UBAP2: variants seen among roughly 807,000 people sequenced by gnomAD.
UBAP2 encodes the protein ubiquitin-associated protein 2.
UBAP2 carries 75 observed loss-of-function variants against 139.6 expected under a neutral mutation model. The observed-to-expected ratio is 0.54, with a 90% confidence interval of 0.45 to 0.65. UBAP2 has a LOEUF of 0.65. Among genes scored for constraint, UBAP2 ranks in the 30% least tolerant of loss-of-function variants. The probability of loss-of-function intolerance (pLI) is 0.00; values close to 1 mark genes in which losing one functional copy is unlikely to be tolerated. For missense variants in UBAP2, 1,368 were observed against 1,369.6 expected (o/e 1.00, Z 0.02); for synonymous variants, 526 against 526.2 (o/e 1.00, Z 0.01).
intron 2 of UBAP2, among the ~76,000 whole-genome samples, chr9:33,999,319 AAG>A (rs1822483172): frequency 6.6e-6 from 1 of 151,986 alleles, no homozygotes; most frequent in Non-Finnish European, 1.5e-5. Flanking sequence ...AATTTTTAAA[AAG>A]ATTAAAAAAA....
intron 1 of UBAP2, among the ~76,000 whole-genome samples, chr9:34,037,955 G>A (rs1826584015): frequency 7.4e-6 from 1 of 134,776 alleles, no homozygotes; most frequent in Admixed American, 8.5e-5. Flanking sequence ...GAACCCAGAA[G>A]TTGAAGACCA....
At chr9:34,042,403 G>T (rs955964350) in intron 1 of UBAP2, among the ~76,000 whole-genome samples, 2 of 150,710 alleles carry the variant, frequency 1.3e-5, no homozygotes, top group East Asian at 1.9e-4. Flanking sequence ...GCTTGAACTT[G>T]GGAGGTGGAG....
rs372841598 is a variant in UBAP2 at position 33,947,938 on chromosome 9, A to C, written c.1270+436T>G. The stretch of plus-strand genomic sequence containing the variant: ...TGAGATTAAAAGACTGCTTGAGGCC[A>C]GGAGGTGGAGATCAGCCTACGCAGC... On this transcript the variant is annotated intron_variant, in intron 13 of 28. Transcript: ENST00000379238. Among the ~76,000 whole-genome samples the C allele has an allele frequency of 2.4e-4, 36 of 148,452 alleles. 1 individual carries two copies. The East Asian group carries it at 5.6e-3, about 23-fold the overall frequency.
chr9:34,022,682 A>G (rs1231716245), intron 1 of UBAP2, among the ~76,000 whole-genome samples: 1 of 151,706 alleles, frequency 6.6e-6, no homozygotes, highest in Admixed American at 6.6e-5. Flanking sequence ...CAAGTGATCC[A>G]CCAGCCTCAG....
At chr9:34,008,430 A>G (rs1587651807) in intron 2 of UBAP2, among the ~76,000 whole-genome samples, 1 of 152,094 alleles carries the variant, frequency 6.6e-6, no homozygotes, top group African/African-American at 2.4e-5. Flanking sequence ...GCAATAAGAC[A>G]TAACACAAAA....
chr9:33,929,229 G>A lies in UBAP2; in HGVS notation c.2176-1237C>T, dbSNP rs529723912. The stretch of plus-strand genomic sequence containing the variant: ...TGGATATATACAACCTTTTAATCTC[G>A]GAAGGAAAAATGAACATTCTCCATC... On this transcript the variant is annotated intron_variant, in intron 19 of 28. Coordinates refer to ENST00000379238, the MANE Select transcript of UBAP2 (RefSeq NM_001370062.2). 1.2e-3 allele frequency among the ~76,000 whole-genome samples: 179 copies of A among 152,248 alleles called. No homozygotes were observed. In the Middle Eastern group the frequency reaches 0.017, roughly 14 times the overall value.
chr9:33,990,225 G>T (rs1345117020), intron 4 of UBAP2, among the ~76,000 whole-genome samples: 2 of 152,130 alleles, frequency 1.3e-5, no homozygotes, highest in Admixed American at 6.5e-5. Flanking sequence ...GACTGGAAAT[G>T]ACTCCATCCA....
chr9:33,953,502 C>T (rs371395227), intron 11 of UBAP2, 28 bp from the exon 12 acceptor site: 273 of 1,587,712 alleles, frequency 1.7e-4, no homozygotes, highest in Non-Finnish European at 2.3e-4. Flanking sequence ...AATGAGGAAC[C>T]AGTCATAAGC....
At position 33,935,891 on chromosome 9, in the gene UBAP2, G is replaced by C. The variant is rs987143382; in HGVS notation, c.1930-13C>G. ...CACCATGTCCATTCTATAAGGAAAA[G>C]AAGAGAAGAGAATATAAACTTACAA... On this transcript the variant is annotated splice_polypyrimidine_tract_variant and intron_variant, in intron 16 of 28. Transcript: ENST00000379238. 3.7e-6 allele frequency: 6 copies of C among 1,610,066 alleles called. No homozygotes were observed. In the African/African-American group the frequency reaches 5.4e-5, roughly 14 times the overall value.
chr9:34,003,847 G>A (rs142177201), intron 2 of UBAP2, among the ~76,000 whole-genome samples: 1 of 152,208 alleles, frequency 6.6e-6, no homozygotes, highest in East Asian at 1.9e-4. Flanking sequence ...AGCCTCTTGA[G>A]TAGCTGGGAT....
chr9:33,944,892 T>A (rs1825535614), intron 13 of UBAP2, among the ~76,000 whole-genome samples: 1 of 152,154 alleles, frequency 6.6e-6, no homozygotes, highest in Non-Finnish European at 1.5e-5. Context: ...GTGAGAACAA[T>A]ATTATGGTGC....
At chr9:33,967,788 T>C (rs1293346449) in intron 8 of UBAP2, among the ~76,000 whole-genome samples, 1 of 152,238 alleles carries the variant, frequency 6.6e-6, no homozygotes, top group African/African-American at 2.4e-5. Flanking sequence ...ATTTGTAAAC[T>C]GGAGTATATT....
chr9:33,935,859 C>T lies in UBAP2; in HGVS notation c.1949G>A (p.Arg650Gln), dbSNP rs780602087. 7 of 1,613,374 alleles carry T rather than the reference C, an allele frequency of 4.3e-6. No homozygotes were observed. Among genetic ancestry groups the T allele is most frequent in the Admixed American group, 3.3e-5 (2 of 59,826 alleles). ...GTIMNGHGGG[R>Q]SQQTLDTPKT... ...CTTACTGTCTAGTGTCTGCTGACTT[C>T]GACCACCACCATGTCCATTCTATAA... Residue 650 changes from arginine to glutamine, a missense_variant, in exon 17 of 29, where the codon CGA (arginine) becomes CAA (glutamine). Physicochemically the swap from Arg to Gln is conservative, Grantham distance 43. Transcript: ENST00000379238.
At chr9:34,029,292 T>G (rs958395617) in intron 1 of UBAP2, among the ~76,000 whole-genome samples, 1 of 150,884 alleles carries the variant, frequency 6.6e-6, no homozygotes, top group African/African-American at 2.4e-5. Flanking sequence ...TTTGGGAGGC[T>G]GAGGAGGGTG....
At chr9:34,005,538 A>G (rs1196097437) in intron 2 of UBAP2, among the ~76,000 whole-genome samples, 3 of 152,124 alleles carry the variant, frequency 2.0e-5, no homozygotes, top group Non-Finnish European at 4.4e-5. Context: ...TAATTTAAAG[A>G]AAGTCCTATC....
Position 33,936,170 on chromosome 9 carries a change from A to G in UBAP2, c.1930-292T>C, listed in dbSNP as rs574825706. Among the ~76,000 whole-genome samples, 7 of 152,158 alleles carry G rather than the reference A, an allele frequency of 4.6e-5. No homozygotes were observed. In the East Asian group the frequency reaches 7.7e-4, roughly 17 times the overall value. Reference sequence around the variant, plus strand: ...GCTAATTCTTGTATTTTCTGTAGAGATGGGGTTTTGCCATGTTGACCAGGC... The same window carrying G: ...GCTAATTCTTGTATTTTCTGTAGAGGTGGGGTTTTGCCATGTTGACCAGGC... On this transcript the variant is annotated intron_variant, in intron 16 of 28. Transcript: ENST00000379238.
At chr9:33,953,602 G>A in intron 11 of UBAP2, 128 bp from the exon 12 acceptor site, 1 of 895,320 alleles carries the variant, frequency 1.1e-6, no homozygotes, top group Non-Finnish European at 1.6e-6. Context: ...TGGAAAATGG[G>A]GTTTAAGGGG....
chr9:33,977,383 T>A (rs1820238715), intron 6 of UBAP2, among the ~76,000 whole-genome samples: 1 of 152,148 alleles, frequency 6.6e-6, no homozygotes, highest in Non-Finnish European at 1.5e-5. Flanking sequence ...ATCGTCCCCA[T>A]AAATTCTAGC....
chr9:33,998,645 G>C, intron 3 of UBAP2, 142 bp downstream of exon 3: 1 of 639,554 alleles, frequency 1.6e-6, no homozygotes, highest in Non-Finnish European at 2.6e-6. Context: ...TTAATCACAA[G>C]TCCAAAATCC....
Sources: gnomAD v4.1 joint callset for allele counts (sites outside exome capture counted in the v4.1 genomes callset) on GRCh38, gnomAD v4.1.1 for gene constraint, MANE v1.5 for transcripts, NCBI Gene and HGNC (gene_info 2026-07-23, HGNC 2026-07-21) for gene names.